The following TOPBP1 variants were observed in gnomAD, a reference collection of about 807,000 sequenced individuals.
TOPBP1 encodes the protein DNA topoisomerase II binding protein 1.
In TOPBP1, 28 loss-of-function variants were observed where a neutral mutation model predicts 167.7. The observed-to-expected ratio is 0.17, with a 90% CI of 0.12 to 0.23. The LOEUF (loss-of-function observed/expected upper bound fraction) is 0.23. Ranked by LOEUF, TOPBP1 falls within the 10% of genes least tolerant of loss-of-function variation. The probability of loss-of-function intolerance (pLI) is 1.00; values close to 1 mark genes in which losing one functional copy is unlikely to be tolerated. For missense variants in TOPBP1, 1,554 were observed against 1,809.6 expected (o/e 0.86, Z 2.56); for synonymous variants, 598 against 611.4 (o/e 0.98, Z 0.32).
At chr3:133,640,450 G>A (rs1477773425) in intron 12 of TOPBP1, among the ~76,000 whole-genome samples, 3 of 152,092 alleles carry the variant, frequency 2.0e-5, no homozygotes, top group Non-Finnish European at 4.4e-5. Context: ...TTGCTATGTT[G>A]TCCAGACTGG....
chr3:133,650,051 AT>A, intron 8 of TOPBP1, 108 bp from the exon 9 acceptor site: 1 of 932,602 alleles, frequency 1.1e-6, no homozygotes, highest in Admixed American at 3.7e-5. Context: ...ACTTGTGTAC[AT>A]TTAAGATATA....
chr3:133,602,556 AT>A (rs1459065790), intron 27 of TOPBP1, among the ~76,000 whole-genome samples: 6 of 152,220 alleles, frequency 3.9e-5, no homozygotes, highest in African/African-American at 1.2e-4. Flanking sequence ...TTAAAGTAAA[AT>A]CTTATTTGGG....
In TOPBP1 at chr3:133,612,522, T is replaced by A; in HGVS notation, c.3902A>T (p.Asp1301Val). The A allele has an allele frequency of 6.2e-7, 1 of 1,613,722 alleles. No individual in the cohort carries two copies. The highest frequency in any genetic ancestry group is 8.5e-7 in the Non-Finnish European group (1 of 1,179,768). Reference protein sequence around the residue: ...GGLVIEKQCFDPTCTHIVVGH... With the variant: ...GGLVIEKQCFVPTCTHIVVGH... ...CACAACAATGTGTGTACAGGTGGGATCAAAGCACTGCTTTTCTATCACCAA... is the reference window on the plus strand; with the variant it reads ...CACAACAATGTGTGTACAGGTGGGAACAAAGCACTGCTTTTCTATCACCAA... Residue 1301 changes from aspartate to valine, a missense_variant, in exon 24 of 28, where the codon GAT (aspartate) becomes GTT (valine). Asp to Val is a radical substitution (Grantham distance 152). Around this residue, in one of 3 missense-constraint regions of TOPBP1, gnomAD observed 351 missense variants for 432.9 expected, o/e 0.81. Coordinates refer to ENST00000260810, the MANE Select transcript of TOPBP1 (RefSeq NM_007027.4).
At position 133,623,187 on chromosome 3, in the gene TOPBP1, G is replaced by A; in HGVS notation, c.3082C>T (p.Pro1028Ser). 6.2e-7 allele frequency: 1 copy of A among 1,611,552 alleles called. No homozygotes were observed. ...ACATCATTTTCTTCTAAAATCAAAG[G>A]ATCTGGCTATTGAAAAAGAAAAATT... is the stretch of plus-strand genomic sequence containing the variant. ...VSSTKDDEPD[P>S]LILEENDVDN... Residue 1028 changes from proline to serine, a missense_variant, in exon 19 of 28, where the codon CCT becomes TCT. This residue lies in a region of TOPBP1 where 1,197 missense variants were observed against 1,351.5 expected (regional missense o/e 0.89). Coordinates refer to ENST00000260810, the MANE Select transcript of TOPBP1 (RefSeq NM_007027.4).
intron 27 of TOPBP1, among the ~76,000 whole-genome samples, chr3:133,602,889 T>A (rs898574798): frequency 6.7e-6 from 1 of 149,784 alleles, no homozygotes; most frequent in Admixed American, 6.7e-5. Context: ...TCTACCTTTT[T>A]TCATTTTTTT....
intron 14 of TOPBP1, among the ~76,000 whole-genome samples, chr3:133,631,375 C>T (rs144227804): frequency 0.016 from 2,477 of 152,334 alleles, 27 homozygotes; most frequent in Middle Eastern, 0.031. Flanking sequence ...TGACACCACA[C>T]TGTTTTAACT....
chr3:133,659,191 C>G, intron 2 of TOPBP1, 41 bp from the exon 3 acceptor site: 1 of 1,502,794 alleles, frequency 6.7e-7, no homozygotes, highest in East Asian at 2.4e-5. Flanking sequence ...TGAAATTACT[C>G]TCCTGTATTT....
At chr3:133,656,549 G>A (rs995938460) in intron 5 of TOPBP1, 127 bp downstream of exon 5, 6 of 891,834 alleles carry the variant, frequency 6.7e-6, no homozygotes, top group Non-Finnish European at 7.9e-6. Flanking sequence ...TTCCGTTTTC[G>A]CTGGAGAAAA....
chr3:133,623,472 T>C lies in TOPBP1; in HGVS notation c.2929-15A>G, dbSNP rs1368603196. The C allele has an allele frequency of 1.9e-6, 3 of 1,600,026 alleles. No individual in the cohort carries two copies. Among genetic ancestry groups the C allele is most frequent in the South Asian group, 1.1e-5 (1 of 89,140 alleles). ...TCTTGGGCACACTGCAATACAATGGTGTGCTTTAAGACAGGACTGACAAAA... is the reference window on the plus strand; with the variant it reads ...TCTTGGGCACACTGCAATACAATGGCGTGCTTTAAGACAGGACTGACAAAA... On this transcript the variant is annotated splice_polypyrimidine_tract_variant and intron_variant, in intron 17 of 27. Coordinates refer to ENST00000260810, the MANE Select transcript of TOPBP1 (RefSeq NM_007027.4).
At chr3:133,627,830 C>A (rs1168251210) in intron 16 of TOPBP1, among the ~76,000 whole-genome samples, 1 of 151,110 alleles carries the variant, frequency 6.6e-6, no homozygotes, top group Non-Finnish European at 1.5e-5. Flanking sequence ...CTTAGGCTGT[C>A]AGGTTGACTG....
chr3:133,640,814 TA>T (rs1247800290), intron 12 of TOPBP1, among the ~76,000 whole-genome samples: 1 of 152,220 alleles, frequency 6.6e-6, no homozygotes, highest in Non-Finnish European at 1.5e-5. Context: ...ACATTATTAT[TA>T]TTTTTTAACC....
chr3:133,601,801 G>T (rs1934310475), intron 27 of TOPBP1, among the ~76,000 whole-genome samples: 1 of 152,084 alleles, frequency 6.6e-6, no homozygotes, highest in Non-Finnish European at 1.5e-5. Flanking sequence ...TCCCAACATA[G>T]AAATGGATCT....
chr3:133,635,251 T>C (rs1175397506), intron 14 of TOPBP1, among the ~76,000 whole-genome samples: 1 of 152,026 alleles, frequency 6.6e-6, no homozygotes, highest in Non-Finnish European at 1.5e-5. Context: ...TGTCCAGCCA[T>C]CCTTGTACTT....
chr3:133,651,135 A>C (rs1320640283), intron 8 of TOPBP1, among the ~76,000 whole-genome samples: 2 of 91,170 alleles, frequency 2.2e-5, no homozygotes, highest in Admixed American at 9.8e-5. Context: ...TAAGTTGGCA[A>C]GTTTAAAAAA....
intron 13 of TOPBP1, among the ~76,000 whole-genome samples, chr3:133,638,624 T>C (rs568693143): frequency 5.3e-5 from 8 of 152,282 alleles, no homozygotes; most frequent in Admixed American, 1.3e-4. Flanking sequence ...GACCTGAACA[T>C]CACTTAGCCT....
At chr3:133,611,334 C>G (rs1206274550) in intron 24 of TOPBP1, among the ~76,000 whole-genome samples, 193 bp from the exon 25 acceptor site, 2 of 152,168 alleles carry the variant, frequency 1.3e-5, no homozygotes, top group African/African-American at 4.8e-5. Flanking sequence ...ATATAAGAGT[C>G]AAGTATATTT....
At chr3:133,647,930 G>T (rs1936137185) in intron 10 of TOPBP1, among the ~76,000 whole-genome samples, 1 of 152,120 alleles carries the variant, frequency 6.6e-6, no homozygotes, top group South Asian at 2.1e-4. Context: ...TATAGAGAAT[G>T]GGGGAGAGGC....
intron 27 of TOPBP1, among the ~76,000 whole-genome samples, chr3:133,602,720 C>G (rs1288626595): frequency 6.6e-6 from 1 of 152,098 alleles, no homozygotes; most frequent in Non-Finnish European, 1.5e-5. Context: ...AGTGCAAAAG[C>G]AGCCATAGAA....
intron 16 of TOPBP1, among the ~76,000 whole-genome samples, chr3:133,626,963 G>A (rs1935290056): frequency 6.6e-6 from 1 of 152,168 alleles, no homozygotes; most frequent in African/African-American, 2.4e-5. Flanking sequence ...GAAGACAGAA[G>A]ACAGTATCCG....
Sources: allele counts gnomAD v4.1 joint callset (sites outside exome capture counted in the v4.1 genomes callset), GRCh38; gene constraint gnomAD v4.1.1; regional missense constraint gnomAD v4.1.1; transcripts MANE v1.5; gene names NCBI Gene and HGNC (gene_info 2026-07-23, HGNC 2026-07-21).